NTNG1: variants seen among roughly 807,000 people sequenced by gnomAD.
NTNG1 encodes the protein netrin G1, also known as netrin-G1.
In NTNG1, 16 loss-of-function variants were observed where a neutral mutation model predicts 54.0. The observed-to-expected ratio is 0.30, with a 90% CI of 0.20 to 0.45. The LOEUF (loss-of-function observed/expected upper bound fraction) is 0.45, where lower values mean the gene tolerates loss of function less well. NTNG1 is among the 20% of genes least tolerant of loss of function. The pLI is 1.00. For synonymous variants in NTNG1, 255 were observed against 263.1 expected (o/e 0.97, Z 0.30); for missense variants, 530 against 678.7 (o/e 0.78, Z 2.43).
intron 3 of NTNG1, among the ~76,000 whole-genome samples, chr1:107,388,154 A>G (rs1414692833): frequency 3.3e-5 from 5 of 152,182 alleles, no homozygotes; most frequent in African/African-American, 7.2e-5. Flanking sequence ...AGACTATCCC[A>G]TTAATTAATG....
chr1:107,431,391 T>C (rs1284023286), intron 6 of NTNG1, among the ~76,000 whole-genome samples: 2 of 152,220 alleles, frequency 1.3e-5, no homozygotes, highest in Non-Finnish European at 2.9e-5. Context: ...CTATTTGAGA[T>C]TGAAAATGAC....
intron 6 of NTNG1, 77 bp downstream of exon 6, chr1:107,430,994 C>CGCG: frequency 7.5e-7 from 1 of 1,340,116 alleles, no homozygotes; most frequent in Non-Finnish European, 1.0e-6. Context: ...GAGAGGCTGG[C>CGCG]GATTTGCACC....
chr1:107,342,478 TG>T (rs1305982808), intron 3 of NTNG1, among the ~76,000 whole-genome samples: 4 of 152,150 alleles, frequency 2.6e-5, no homozygotes, highest in Non-Finnish European at 4.4e-5. Context: ...TGCTACTGAA[TG>T]TTTTTGCTTT....
intron 7 of NTNG1, among the ~76,000 whole-genome samples, chr1:107,438,304 A>G (rs964509663): frequency 6.6e-6 from 1 of 152,184 alleles, no homozygotes; most frequent in Non-Finnish European, 1.5e-5. Flanking sequence ...AGGAACACTG[A>G]AAGACAGTCA....
intron 7 of NTNG1, among the ~76,000 whole-genome samples, chr1:107,451,024 A>C (rs1168499080): frequency 6.6e-6 from 1 of 151,908 alleles, no homozygotes; most frequent in Non-Finnish European, 1.5e-5. Flanking sequence ...CAGCTTGGTG[A>C]CTGTTAATAC....
chr1:107,258,541 C>T (rs2101641989), intron 2 of NTNG1, among the ~76,000 whole-genome samples: 1 of 152,316 alleles, frequency 6.6e-6, no homozygotes, highest in East Asian at 1.9e-4. Context: ...GCAATTTGAA[C>T]ATGCCAGCAT....
At chr1:107,260,126 T>C (rs1389976179) in intron 2 of NTNG1, among the ~76,000 whole-genome samples, 1 of 152,166 alleles carries the variant, frequency 6.6e-6, no homozygotes, top group African/African-American at 2.4e-5. Flanking sequence ...TAGTAAACAG[T>C]GATTGAAAAG....
chr1:107,372,237 C>T (rs778088384), intron 3 of NTNG1, among the ~76,000 whole-genome samples: 5 of 151,730 alleles, frequency 3.3e-5, no homozygotes, highest in Non-Finnish European at 7.4e-5. Flanking sequence ...ATATGCTTTT[C>T]GTTTTCTAGT....
intron 5 of NTNG1, among the ~76,000 whole-genome samples, chr1:107,428,968 T>A (rs1329530898): frequency 2.6e-5 from 4 of 152,072 alleles, no homozygotes; most frequent in Non-Finnish European, 1.5e-5. Context: ...TTACACTGTC[T>A]CCTACATTGG....
chr1:107,179,351 C>A (rs932800393), intron 2 of NTNG1, among the ~76,000 whole-genome samples: 3 of 152,268 alleles, frequency 2.0e-5, no homozygotes, highest in African/African-American at 7.2e-5. Context: ...TCATTTCATT[C>A]ATCCTAGAAA....
At chr1:107,381,247 G>A (rs116293796) in intron 3 of NTNG1, among the ~76,000 whole-genome samples, 7 of 141,264 alleles carry the variant, frequency 5.0e-5, no homozygotes, top group Admixed American at 3.1e-4. Flanking sequence ...ACCTAGAGAA[G>A]CAAAGTCACT....
rs1678929572 is a variant in NTNG1 at position 107,484,732 on chromosome 1, G to C, written c.*3892G>C. On this transcript the variant is annotated 3_prime_UTR_variant, in exon 8 of 8. Coordinates refer to ENST00000370068, the MANE Select transcript of NTNG1 (RefSeq NM_001113226.3). ...GGGGGAACAACTGTGAGGAAATCTT[G>C]ACATCGAATATTTTGTTCCATCTCC... Among the ~76,000 whole-genome samples the C allele has an allele frequency of 6.6e-6, 1 of 152,188 alleles. No individual in the cohort carries two copies. The highest frequency in any genetic ancestry group is 1.5e-5 in the Non-Finnish European group (1 of 68,034).
intron 3 of NTNG1, among the ~76,000 whole-genome samples, chr1:107,361,391 A>AT (rs1177736263): frequency 0.011 from 988 of 87,968 alleles, 28 homozygotes; most frequent in African/African-American, 0.031. Context: ...ATATATATAT[A>AT]TTTTTTTTTT....
At chr1:107,178,916 A>G (rs897685193) in intron 2 of NTNG1, among the ~76,000 whole-genome samples, 39 of 152,302 alleles carry the variant, frequency 2.6e-4, no homozygotes, top group African/African-American at 8.9e-4. Context: ...GGGAATGCTC[A>G]CCTCTTGGCT....
chr1:107,449,340 G>A (rs1040976385), intron 7 of NTNG1, among the ~76,000 whole-genome samples: 1 of 151,952 alleles, frequency 6.6e-6, no homozygotes, highest in African/African-American at 2.4e-5. Flanking sequence ...GATTCTCTGG[G>A]GGTGGGCTCC....
chr1:107,221,442 C>G (rs1304446390), intron 2 of NTNG1, among the ~76,000 whole-genome samples: 7 of 152,150 alleles, frequency 4.6e-5, no homozygotes, highest in Non-Finnish European at 1.0e-4. Context: ...TAGACTACCT[C>G]CATCTGCAAG....
intron 3 of NTNG1, among the ~76,000 whole-genome samples, chr1:107,392,851 C>T (rs1224019931): frequency 6.6e-6 from 1 of 152,104 alleles, no homozygotes; most frequent in Non-Finnish European, 1.5e-5. Context: ...CCTATCCAAG[C>T]ACACGGACAC....
At chr1:107,329,396 G>A (rs900912501) in intron 3 of NTNG1, among the ~76,000 whole-genome samples, 2 of 152,174 alleles carry the variant, frequency 1.3e-5, no homozygotes, top group African/African-American at 4.8e-5. Flanking sequence ...TATATTTGCT[G>A]TAATTAGAAC....
chr1:107,417,237 T>G (rs1262221154), intron 5 of NTNG1, among the ~76,000 whole-genome samples: 1 of 152,118 alleles, frequency 6.6e-6, no homozygotes, highest in Non-Finnish European at 1.5e-5. Context: ...TCATAAATTT[T>G]CATAGATATC....
Sources: gnomAD v4.1 joint callset for allele counts (sites outside exome capture counted in the v4.1 genomes callset) on GRCh38, gnomAD v4.1.1 for gene constraint, MANE v1.5 for transcripts, NCBI Gene and HGNC (gene_info 2026-07-23, HGNC 2026-07-21) for gene names.